Variants in BRI3BP observed in about 807,000 individuals in gnomAD.
BRI3BP encodes BRI3 binding protein, also known as BRI3-binding protein.
BRI3BP carries 7 observed loss-of-function variants against 15.8 expected under a neutral mutation model. The ratio of observed to expected loss-of-function variants is 0.44; its 90% CI spans 0.25 to 0.83. BRI3BP has a LOEUF of 0.83. Ranked by LOEUF, BRI3BP falls within the 40% of genes least tolerant of loss-of-function variation. The probability of loss-of-function intolerance (pLI) is 0.20; values close to 1 mark genes in which losing one functional copy is unlikely to be tolerated. For missense variants in BRI3BP, 320 were observed against 339.3 expected (o/e 0.94, Z 0.45); for synonymous variants, 192 against 163.5 (o/e 1.17, Z -1.33).
At chr12:125,021,694 G>A (rs111321234) in intron 2 of BRI3BP, among the ~76,000 whole-genome samples, 104 of 152,304 alleles carry the variant, frequency 6.8e-4, no homozygotes, top group African/African-American at 2.1e-3. Flanking sequence ...CACGTCTTAC[G>A]TGGTGGCAGG....
chr12:125,010,984 C>T (rs1272284528), intron 1 of BRI3BP, among the ~76,000 whole-genome samples: 1 of 150,412 alleles, frequency 6.6e-6, no homozygotes, highest in East Asian at 2.0e-4. Flanking sequence ...GTACCAGCTA[C>T]TCGGGAGGCT....
chr12:125,027,721 A>C lies in BRI3BP; in HGVS notation c.*2291A>C, dbSNP rs1394374848. On this transcript the variant is annotated 3_prime_UTR_variant, in exon 3 of 3. Coordinates refer to ENST00000341446, the MANE Select transcript of BRI3BP (RefSeq NM_080626.6). ...CTTTTTTTTTTTGAGATGGAGTCTC[A>C]CTGTCAACCAGGCTGGAGTGCAGTG... The C allele has an allele frequency of 1.3e-5, 2 of 151,666 alleles. No homozygotes were observed. Among genetic ancestry groups the C allele is most frequent in the African/African-American group, 4.8e-5 (2 of 41,284 alleles). The allele number at this position is 151,666 out of a possible 1,614,324, so 9.4% of individuals were successfully genotyped here.
the BRI3BP span, among the ~76,000 whole-genome samples, chr12:125,046,122 G>A: frequency 1.1e-4 from 17 of 151,096 alleles, no homozygotes; most frequent in Admixed American, 4.6e-4. Flanking sequence ...CTGAGATCGC[G>A]CCATTGACTC....
chr12:125,033,236 G>A (rs892104123), downstream of BRI3BP, among the ~76,000 whole-genome samples: 6 of 152,068 alleles, frequency 3.9e-5, no homozygotes, highest in African/African-American at 1.4e-4. Flanking sequence ...TGTGTAAAAT[G>A]TAGATTTGGG....
Position 125,018,789 on chromosome 12 carries a change from A to G in BRI3BP, c.316+6153A>G, listed in dbSNP as rs188745756. 6.8e-4 allele frequency among the ~76,000 whole-genome samples: 100 copies of G among 147,844 alleles called. 1 individual carries two copies. The highest frequency in any genetic ancestry group is 2.4e-3 in the African/African-American group (96 of 39,782). ...CCGCCTCCTGAGTTCAAGCGATTCT[A>G]GTACCTCAGCCTCCCGAGTGGCTGA... On this transcript the variant is annotated intron_variant, in intron 2 of 2. Coordinates refer to ENST00000341446, the MANE Select transcript of BRI3BP (RefSeq NM_080626.6).
chr12:125,019,433 T>G (rs1016301203), intron 2 of BRI3BP, among the ~76,000 whole-genome samples: 15 of 151,960 alleles, frequency 9.9e-5, no homozygotes, highest in Non-Finnish European at 2.1e-4. Flanking sequence ...CAAAGTATGC[T>G]CAGAGGAACC....
Position 125,030,611 on chromosome 12 carries a change from T to C in BRI3BP, c.*5181T>C, listed in dbSNP as rs1955399078. 6.6e-6 allele frequency: 1 copy of C among 152,264 alleles called. No individual in the cohort carries two copies. The highest frequency in any genetic ancestry group is 2.1e-4 in the South Asian group (1 of 4,836). 9.4% of individuals were successfully genotyped at this position (152,264 alleles called of 1,614,324 possible). ...CCATTTGCATTGTCTACTGAAAAGC[T>C]GTGGCAGCGAGTGGTATTATTGACC... On this transcript the variant is annotated 3_prime_UTR_variant, in exon 3 of 3. Coordinates refer to ENST00000341446, the MANE Select transcript of BRI3BP (RefSeq NM_080626.6).
the BRI3BP span, among the ~76,000 whole-genome samples, chr12:125,040,936 G>T: frequency 6.6e-6 from 1 of 151,910 alleles, no homozygotes; most frequent in African/African-American, 2.4e-5. Flanking sequence ...TCTTCATGTT[G>T]GCCAGGCTGA....
chr12:125,011,212 C>A (rs1472159717), intron 1 of BRI3BP, among the ~76,000 whole-genome samples: 4 of 152,044 alleles, frequency 2.6e-5, no homozygotes, highest in African/African-American at 2.4e-5. Context: ...CGTGATGCAG[C>A]CCTGCAGAGT....
chr12:125,042,325 C>G, the BRI3BP span, among the ~76,000 whole-genome samples: 1 of 152,118 alleles, frequency 6.6e-6, no homozygotes, highest in Non-Finnish European at 1.5e-5. Flanking sequence ...TTGTTGTGAT[C>G]AACAGCTGCT....
At chr12:124,995,315 A>C (rs1264979282) in intron 1 of BRI3BP, among the ~76,000 whole-genome samples, 1 of 152,162 alleles carries the variant, frequency 6.6e-6, no homozygotes, top group Admixed American at 6.5e-5. Flanking sequence ...CTGGCGCGGG[A>C]AAGGATCAGG....
chr12:125,009,061 C>A (rs888779620), intron 1 of BRI3BP, among the ~76,000 whole-genome samples: 2 of 151,606 alleles, frequency 1.3e-5, no homozygotes, highest in African/African-American at 4.8e-5. Flanking sequence ...GTGTAACCTC[C>A]ACCTCCCAGG....
At chr12:125,001,399 G>A (rs1005703525) in intron 1 of BRI3BP, among the ~76,000 whole-genome samples, 3 of 147,736 alleles carry the variant, frequency 2.0e-5, no homozygotes, top group Non-Finnish European at 4.5e-5. Flanking sequence ...TCACTCTGTA[G>A]CCCAGAATGG....
chr12:125,035,543 G>A (rs1481931855), downstream of BRI3BP, among the ~76,000 whole-genome samples: 2 of 151,880 alleles, frequency 1.3e-5, no homozygotes, highest in African/African-American at 2.4e-5. Flanking sequence ...ACAGGTGTGT[G>A]CTATCACACC....
chr12:124,995,014 A>G (rs1404605663), intron 1 of BRI3BP, among the ~76,000 whole-genome samples: 1 of 152,246 alleles, frequency 6.6e-6, no homozygotes, highest in East Asian at 1.9e-4. Flanking sequence ...TTCCTGGCCC[A>G]GAATCATGGC....
At chr12:124,995,344 C>G (rs1209965861) in intron 1 of BRI3BP, among the ~76,000 whole-genome samples, 1 of 152,148 alleles carries the variant, frequency 6.6e-6, no homozygotes, top group Non-Finnish European at 1.5e-5. Context: ...TGCAGGGAGT[C>G]TCACTTACTT....
rs1955378906 is a variant in BRI3BP at position 125,028,786 on chromosome 12, C to T, written c.*3356C>T. ...TTGTTCCTTCTCCATTCCATGGAAC[C>T]TTGTAGGGTGTTGGGATTGGGCCTC... On this transcript the variant is annotated 3_prime_UTR_variant, in exon 3 of 3. Transcript: ENST00000341446. The T allele has an allele frequency of 6.6e-6, 1 of 152,150 alleles. No homozygotes were observed. Among genetic ancestry groups the T allele is most frequent in the South Asian group, 2.1e-4 (1 of 4,828 alleles). 9.4% of individuals were successfully genotyped at this position (152,150 alleles called of 1,614,324 possible).
In BRI3BP at chr12:124,993,717, C is replaced by T. The variant is rs1955014679; in HGVS notation, c.-74C>T. 12 of 886,558 alleles carry T rather than the reference C, an allele frequency of 1.4e-5. No individual in the cohort carries two copies. The Admixed American group carries it at 4.4e-4, about 33-fold the overall frequency. The allele number at this position is 886,558 out of a possible 1,614,324, so 54.9% of individuals were successfully genotyped here. A position where few individuals can be genotyped will look rare whatever the true frequency, so the allele number is the denominator to read the frequency against. On this transcript the variant is annotated 5_prime_UTR_variant, in exon 1 of 3. Coordinates refer to ENST00000341446, the MANE Select transcript of BRI3BP (RefSeq NM_080626.6). ...CGGCCCCCGAGCGCGCCAACCTTGC[C>T]CTAGCCGGAGCCCGCTGCGGCCCAG...
At chr12:125,022,768 C>G (rs1372782543) in intron 2 of BRI3BP, among the ~76,000 whole-genome samples, 4 of 152,008 alleles carry the variant, frequency 2.6e-5, no homozygotes, top group African/African-American at 9.7e-5. Flanking sequence ...CTCAGGTGAT[C>G]CACCCACCTT....
Sources: allele counts gnomAD v4.1 joint callset (sites outside exome capture counted in the v4.1 genomes callset), GRCh38; gene constraint gnomAD v4.1.1; transcripts MANE v1.5; gene names NCBI Gene and HGNC (gene_info 2026-07-23, HGNC 2026-07-21).